The following TOGARAM2 variants were observed in gnomAD, a reference collection of about 807,000 sequenced individuals.
The protein encoded by TOGARAM2 is TOG array regulator of axonemal microtubules protein 2.
TOGARAM2 carries 85 observed loss-of-function variants against 93.3 expected under a neutral mutation model. The ratio of observed to expected loss-of-function variants is 0.91; its 90% CI spans 0.76 to 1.09. The LOEUF is 1.09. Among genes scored for constraint, TOGARAM2 ranks in the 50% least tolerant of loss-of-function variants. The pLI is 0.00. For synonymous variants in TOGARAM2, 593 were observed against 552.8 expected (o/e 1.07, Z -1.02); for missense variants, 1,277 against 1,334.5 (o/e 0.96, Z 0.67).
chr2:29,038,024 T>G (rs1666221484), intron 18 of TOGARAM2, among the ~76,000 whole-genome samples: 2 of 152,342 alleles, frequency 1.3e-5, no homozygotes, highest in South Asian at 4.1e-4. Flanking sequence ...TTTCCACTTT[T>G]TGCCATCAGG....
At chr2:29,009,989 G>T (rs1042771758) in intron 6 of TOGARAM2, among the ~76,000 whole-genome samples, 7 of 151,846 alleles carry the variant, frequency 4.6e-5, no homozygotes, top group Admixed American at 1.3e-4. Context: ...AAGAGAAGCT[G>T]CGCCAAGTCC....
At chr2:29,029,658 A>G (rs1217371190) in intron 14 of TOGARAM2, among the ~76,000 whole-genome samples, 1 of 148,256 alleles carries the variant, frequency 6.7e-6, no homozygotes, top group Non-Finnish European at 1.5e-5. Context: ...CAGGAGGCTG[A>G]GGCAGGAGAA....
At chr2:29,021,220 C>G (rs1664924557) in intron 10 of TOGARAM2, among the ~76,000 whole-genome samples, 1 of 152,184 alleles carries the variant, frequency 6.6e-6, no homozygotes, top group African/African-American at 2.4e-5. Context: ...GGCTGTGCGT[C>G]CACTTTCAGT....
chr2:28,974,259 C>T (rs574417062), intron 1 of TOGARAM2, among the ~76,000 whole-genome samples: 210 of 151,630 alleles, frequency 1.4e-3, no homozygotes, highest in African/African-American at 4.8e-3. Flanking sequence ...TCCTGAGTAG[C>T]TGGGATTACA....
chr2:29,022,402 T>G, intron 11 of TOGARAM2, 94 bp downstream of exon 11: 1 of 1,520,092 alleles, frequency 6.6e-7, no homozygotes, highest in Non-Finnish European at 8.9e-7. Context: ...CCTCTCCCAC[T>G]CTGGGGTTCC....
chr2:28,962,612 C>G (rs987858990), intron 1 of TOGARAM2, among the ~76,000 whole-genome samples: 15 of 152,192 alleles, frequency 9.9e-5, no homozygotes, highest in African/African-American at 3.4e-4. Flanking sequence ...AGTTGTTTAT[C>G]CCTTCTGCTG....
chr2:29,013,654 C>T (rs546453182), intron 7 of TOGARAM2, among the ~76,000 whole-genome samples: 26 of 152,186 alleles, frequency 1.7e-4, no homozygotes, highest in Non-Finnish European at 3.1e-4. Context: ...AGCAGGCAGC[C>T]AGAAGACCCG....
At chr2:29,037,640 G>A (rs1316513522) in intron 18 of TOGARAM2, among the ~76,000 whole-genome samples, 2 of 150,470 alleles carry the variant, frequency 1.3e-5, no homozygotes, top group Non-Finnish European at 3.0e-5. Flanking sequence ...GACAGGCACC[G>A]TGTCCTTGGC....
intron 17 of TOGARAM2, among the ~76,000 whole-genome samples, chr2:29,036,174 T>C (rs1666093442): frequency 6.6e-6 from 1 of 152,152 alleles, no homozygotes; most frequent in South Asian, 2.1e-4. Context: ...TTACTAGCTG[T>C]GTGATCTCAG....
chr2:29,028,649 G>A (rs11887051), intron 14 of TOGARAM2, among the ~76,000 whole-genome samples: 3,145 of 152,092 alleles, frequency 0.021, 99 homozygotes, highest in African/African-American at 0.072. Flanking sequence ...TCTGGCTGCC[G>A]CAGGACTGGT....
intron 19 of TOGARAM2, chr2:29,045,876 G>A (rs944087080): frequency 4.0e-5 from 9 of 227,180 alleles, no homozygotes; most frequent in Non-Finnish European, 7.0e-5. Context: ...ACCTGTGTGC[G>A]TTTCTTCCTC....
intron 1 of TOGARAM2, among the ~76,000 whole-genome samples, chr2:28,986,112 CAAA>C (rs34903095): frequency 1.1e-5 from 1 of 95,044 alleles, no homozygotes. Context: ...AACTGTGTCT[CAAA>C]AAAAAAAAAA....
At position 28,999,349 on chromosome 2, in the gene TOGARAM2, C is replaced by T. The variant is rs755318143; in HGVS notation, c.308C>T (p.Pro103Leu). 4 of 1,613,678 alleles carry T rather than the reference C, an allele frequency of 2.5e-6. No homozygotes were observed. The highest frequency in any genetic ancestry group is 2.2e-5 in the East Asian group (1 of 44,868). ...NLRALSLGDQ[P>L]LVLLPSPESE... ...AGGGCCTTGTCTTTGGGGGACCAGC[C>T]CCTGGTGCTCCTCCCTTCTCCGGAG... The change falls in exon 4 of 20, where the codon CCC becomes CTC. Residue 103 changes from proline to leucine, a missense_variant. Coordinates refer to ENST00000379558, the MANE Select transcript of TOGARAM2 (RefSeq NM_199280.4).
chr2:29,042,818 G>A (rs1280756517), intron 18 of TOGARAM2, among the ~76,000 whole-genome samples: 1 of 152,246 alleles, frequency 6.6e-6, no homozygotes, highest in African/African-American at 2.4e-5. Flanking sequence ...AGCCTGCACA[G>A]TGTCAGCAGG....
chr2:29,005,857 CAT>C (rs550598084), intron 6 of TOGARAM2, among the ~76,000 whole-genome samples: 88 of 136,736 alleles, frequency 6.4e-4, no homozygotes, highest in Admixed American at 1.6e-3. Context: ...CATGTGTGTG[CAT>C]ATGTGTCAGT....
intron 1 of TOGARAM2, among the ~76,000 whole-genome samples, chr2:28,988,869 G>T (rs1329940417): frequency 6.6e-6 from 1 of 152,076 alleles, no homozygotes; most frequent in Non-Finnish European, 1.5e-5. Context: ...CATCCAATTG[G>T]CTGAGCTGAC....
Position 29,026,528 on chromosome 2 carries a change from G to A in TOGARAM2, c.1854-325G>A, listed in dbSNP as rs78823189. Among the ~76,000 whole-genome samples the A allele has an allele frequency of 2.8e-3, 428 of 152,310 alleles. 3 individuals are homozygous for A. The highest frequency in any genetic ancestry group is 9.7e-3 in the African/African-American group (402 of 41,556). On this transcript the variant is annotated intron_variant, in intron 13 of 19. Coordinates refer to ENST00000379558, the MANE Select transcript of TOGARAM2 (RefSeq NM_199280.4). The stretch of plus-strand genomic sequence containing the variant: ...TGGTTAGGTAGGACTTTTCTAGGTG[G>A]AGGGAAGATGGAGAAGAGTACTTAG...
At chr2:28,981,125 GCTCT>G (rs1672166879), upstream of TOGARAM2, among the ~76,000 whole-genome samples, 1 of 152,232 alleles carries the variant, frequency 6.6e-6, no homozygotes, top group African/African-American at 2.4e-5. Context: ...GGGGCCCAGT[GCTCT>G]CTCTTTCTGT....
At chr2:28,993,577 A>C (rs1457144367) in intron 1 of TOGARAM2, among the ~76,000 whole-genome samples, 1 of 152,186 alleles carries the variant, frequency 6.6e-6, no homozygotes, top group Non-Finnish European at 1.5e-5. Context: ...TTATCCCAGT[A>C]GATATTAAAC....
Sources: gnomAD v4.1 joint callset for allele counts (sites outside exome capture counted in the v4.1 genomes callset) on GRCh38, gnomAD v4.1.1 for gene constraint, MANE v1.5 for transcripts, NCBI Gene and HGNC (gene_info 2026-07-23, HGNC 2026-07-21) for gene names.